TSHR: variants seen among roughly 807,000 people sequenced by gnomAD.
TSHR encodes the protein thyrotropin receptor.
In TSHR, 51 loss-of-function variants were observed where a neutral mutation model predicts 64.1. That is an observed-to-expected ratio of 0.80 (90% CI 0.64 to 1.01). The LOEUF (loss-of-function observed/expected upper bound fraction) is 1.01. TSHR is among the 50% of genes least tolerant of loss of function. TSHR has a pLI of 0.00. For missense variants in TSHR, 877 were observed against 942.8 expected (o/e 0.93, Z 0.91); for synonymous variants, 361 against 361.9 (o/e 1.00, Z 0.03).
At chr14:81,055,291 C>A (rs1012093491) in intron 1 of TSHR, among the ~76,000 whole-genome samples, 10 of 152,308 alleles carry the variant, frequency 6.6e-5, no homozygotes, top group African/African-American at 2.4e-4. Flanking sequence ...ATGGAAATGC[C>A]TGGATGTCCA....
intron 8 of TSHR, 125 bp from the exon 9 acceptor site, chr14:81,139,554 C>G: frequency 1.0e-6 from 1 of 978,896 alleles, no homozygotes; most frequent in Non-Finnish European, 1.6e-6. Flanking sequence ...AGCTTATGTA[C>G]TCAGTAGAAG....
At chr14:81,120,465 T>A (rs1446950879) in intron 8 of TSHR, among the ~76,000 whole-genome samples, 1 of 152,262 alleles carries the variant, frequency 6.6e-6, no homozygotes, top group African/African-American at 2.4e-5. Flanking sequence ...GTTTTCTTTG[T>A]TTCTTTTTCT....
In TSHR at chr14:81,142,882, T is replaced by G. The variant is rs548206763; in HGVS notation, c.882-58T>G. The G allele has an allele frequency of 3.3e-5, 50 of 1,517,798 alleles. No individual in the cohort carries two copies. In the South Asian group the frequency reaches 5.1e-4, roughly 15 times the overall value. The allele number at this position is 1,517,798 out of a possible 1,614,324, so 94.0% of individuals were successfully genotyped here. ...GCCTTGGCCTCCCAAAGTGCTGGGA[T>G]TACAGTCATGAGCCACTGCGCCCAG... On this transcript the variant is annotated intron_variant, in intron 9 of 9. Coordinates refer to ENST00000298171, the MANE Select transcript of TSHR (RefSeq NM_000369.5).
chr14:81,032,701 A>T, intron 1 of TSHR: 1 of 431,644 alleles, frequency 2.3e-6, no homozygotes. Context: ...TACAAGAAGA[A>T]GGGACTCATG....
intron 8 of TSHR, among the ~76,000 whole-genome samples, chr14:81,122,786 C>T (rs1397097239): frequency 1.3e-5 from 2 of 152,188 alleles, no homozygotes; most frequent in African/African-American, 2.4e-5. Flanking sequence ...TATTAACAAG[C>T]TTCCAGTATA....
chr14:81,070,791 A>G (rs1026266391), intron 3 of TSHR, among the ~76,000 whole-genome samples: 12 of 152,094 alleles, frequency 7.9e-5, no homozygotes, highest in Non-Finnish European at 1.6e-4. Context: ...CAACCCAACC[A>G]AAAGATTATT....
intron 3 of TSHR, among the ~76,000 whole-genome samples, chr14:81,077,345 A>G (rs1887577364): frequency 6.6e-6 from 1 of 152,236 alleles, no homozygotes; most frequent in African/African-American, 2.4e-5. Flanking sequence ...GGATTGGAAG[A>G]GTAGGCTAGT....
chr14:81,043,430 A>G (rs1394438216), intron 1 of TSHR, among the ~76,000 whole-genome samples: 1 of 152,218 alleles, frequency 6.6e-6, no homozygotes, highest in Non-Finnish European at 1.5e-5. Flanking sequence ...GCTCAAAGAA[A>G]TCAGAGGACA....
At chr14:81,043,793 A>C (rs111392480) in intron 1 of TSHR, among the ~76,000 whole-genome samples, 1,525 of 152,216 alleles carry the variant, frequency 0.01, 19 homozygotes, top group Middle Eastern at 0.031. Context: ...ACACTTACAA[A>C]CATCTGATCT....
intron 1 of TSHR, among the ~76,000 whole-genome samples, chr14:80,978,226 G>A (rs2139715504): frequency 6.6e-6 from 1 of 152,092 alleles, no homozygotes; most frequent in East Asian, 1.9e-4. Context: ...AAAGTTTTTA[G>A]TAATTGGGCT....
At position 81,096,643 on chromosome 14, in the gene TSHR, C is replaced by T. The variant is rs1889212662; in HGVS notation, c.550C>T (p.Leu184=). 6.2e-7 allele frequency: 1 copy of T among 1,613,508 alleles called. No homozygotes were observed. The highest frequency in any genetic ancestry group is 8.5e-7 in the Non-Finnish European group (1 of 1,179,592). ...GLCNETLTLK[L]YNNGFTSVQG... ...TCTTCTCTCTGTTGGTTGTAGGAAG[C>T]TGTACAACAATGGCTTTACTTCAGT... The change falls in exon 7 of 10, where the codon CTG becomes TTG. Residue 184 remains leucine, a synonymous_variant. Coordinates refer to ENST00000298171, the MANE Select transcript of TSHR (RefSeq NM_000369.5).
rs79793108 is a variant in TSHR at position 81,028,460 on chromosome 14, A to T, written c.171-33688A>T. Among the ~76,000 whole-genome samples, 1,407 of 152,226 alleles carry T rather than the reference A, an allele frequency of 9.2e-3. 25 individuals carry two copies. Among genetic ancestry groups the T allele is most frequent in the African/African-American group, 0.032 (1,346 of 41,556 alleles). ...GCTAGACAGTAAGAAAAAAAAATCT[A>T]TCAAGAAAGGATCTCTGATAAACCC... On this transcript the variant is annotated intron_variant, in intron 1 of 9. Coordinates refer to ENST00000298171, the MANE Select transcript of TSHR (RefSeq NM_000369.5).
intron 8 of TSHR, among the ~76,000 whole-genome samples, chr14:81,126,602 GA>G (rs755110985): frequency 2.6e-5 from 4 of 152,142 alleles, no homozygotes; most frequent in Non-Finnish European, 4.4e-5. Context: ...GAACATAAAA[GA>G]ATTTTTGCTG....
intron 1 of TSHR, among the ~76,000 whole-genome samples, chr14:81,058,862 C>T (rs888699583): frequency 1.8e-4 from 28 of 152,090 alleles, no homozygotes; most frequent in African/African-American, 6.8e-4. Flanking sequence ...GCAGTAATCA[C>T]AATATCACAA....
At chr14:81,073,017 A>AAAAAAAATATATAT (rs1555376957) in intron 3 of TSHR, among the ~76,000 whole-genome samples, 1 of 91,216 alleles carries the variant, frequency 1.1e-5, no homozygotes, top group African/African-American at 4.5e-5. Context: ...AAAAATAAAA[A>AAAAAAAATATATAT]ATAAATATAT....
At chr14:80,970,832 G>T (rs1374089670) in intron 1 of TSHR, among the ~76,000 whole-genome samples, 1 of 152,104 alleles carries the variant, frequency 6.6e-6, no homozygotes, top group Non-Finnish European at 1.5e-5. Flanking sequence ...GGATTTTTTT[G>T]TGAGACAGGG....
intron 1 of TSHR, among the ~76,000 whole-genome samples, chr14:81,039,423 C>G (rs1356921500): frequency 1.3e-5 from 2 of 151,988 alleles, no homozygotes; most frequent in Admixed American, 6.6e-5. Context: ...CCTCTAAGAT[C>G]TGGAACAAGA....
At chr14:81,007,877 C>T (rs763308987) in intron 1 of TSHR, among the ~76,000 whole-genome samples, 2 of 152,230 alleles carry the variant, frequency 1.3e-5, no homozygotes, top group East Asian at 1.9e-4. Context: ...TAGTTTTAAC[C>T]GTCTTAGCGT....
intron 8 of TSHR, among the ~76,000 whole-genome samples, chr14:81,115,295 G>A (rs1051341634): frequency 1.2e-4 from 18 of 151,646 alleles, no homozygotes; most frequent in African/African-American, 4.4e-4. Flanking sequence ...AAATTTAGAA[G>A]AATGTATAAC....
Sources: gnomAD v4.1 joint callset for allele counts (sites outside exome capture counted in the v4.1 genomes callset) on GRCh38, gnomAD v4.1.1 for gene constraint, MANE v1.5 for transcripts, NCBI Gene and HGNC (gene_info 2026-07-23, HGNC 2026-07-21) for gene names.